CLVS1: variants seen among roughly 807,000 people sequenced by gnomAD.
The protein encoded by CLVS1 is clavesin-1.
Under a neutral mutation model 33.1 loss-of-function variants are expected in CLVS1, and 10 were observed. The observed-to-expected ratio is 0.30, with a 90% confidence interval of 0.19 to 0.51. The LOEUF is 0.51. Among genes scored for constraint, CLVS1 ranks in the 20% least tolerant of loss-of-function variants. The pLI is 0.97. For missense variants in CLVS1, 343 were observed against 433.4 expected, an observed-to-expected ratio of 0.79 and a Z score of 1.85; for synonymous variants, 163 against 166.1, an observed-to-expected ratio of 0.98 and a Z score of 0.14.
chr8:61,304,054 A>T (rs1810527615), intron 2 of CLVS1, among the ~76,000 whole-genome samples: 1 of 152,240 alleles, frequency 6.6e-6, no homozygotes. Context: ...CCTTTCACAC[A>T]GACCCAGCCC....
intron 2 of CLVS1, among the ~76,000 whole-genome samples, chr8:61,204,466 C>T (rs1807799478): frequency 6.6e-6 from 1 of 152,146 alleles, no homozygotes; most frequent in Non-Finnish European, 1.5e-5. Flanking sequence ...ATGCAAATTG[C>T]TCACACTATT....
At chr8:61,027,346 T>C in the CLVS1 span, among the ~76,000 whole-genome samples, 4 of 152,186 alleles carry the variant, frequency 2.6e-5, no homozygotes, top group Non-Finnish European at 5.9e-5. Context: ...ACACCCCACC[T>C]TTATGGAATA....
chr8:61,012,709 C>G, the CLVS1 span, among the ~76,000 whole-genome samples: 1 of 152,164 alleles, frequency 6.6e-6, no homozygotes, highest in Admixed American at 6.5e-5. Flanking sequence ...GTGCTGTGCT[C>G]CCCCGCTCTT....
chr8:61,041,009 A>G, the CLVS1 span, among the ~76,000 whole-genome samples: 4 of 151,900 alleles, frequency 2.6e-5, no homozygotes, highest in Middle Eastern at 3.4e-3. Context: ...TAATTTTTGT[A>G]TATGGTGAAA....
At chr8:61,018,309 T>C in the CLVS1 span, among the ~76,000 whole-genome samples, 1 of 152,226 alleles carries the variant, frequency 6.6e-6, no homozygotes, top group African/African-American at 2.4e-5. Context: ...TAATTTAATG[T>C]GATAAGTTTC....
intron 2 of CLVS1, among the ~76,000 whole-genome samples, chr8:61,148,486 T>TA (rs1242018772): frequency 1.3e-5 from 2 of 152,192 alleles, no homozygotes; most frequent in African/African-American, 4.8e-5. Context: ...CTCTCATTGA[T>TA]ACAGTGAGAG....
intron 3 of CLVS1, among the ~76,000 whole-genome samples, chr8:61,380,065 A>G (rs141952958): frequency 6.6e-6 from 1 of 152,288 alleles, no homozygotes; most frequent in Non-Finnish European, 1.5e-5. Context: ...AGCCATTGCA[A>G]TGTAACATCA....
chr8:61,108,252 C>G (rs991464040), intron 1 of CLVS1, among the ~76,000 whole-genome samples: 3 of 150,808 alleles, frequency 2.0e-5, no homozygotes, highest in Non-Finnish European at 4.4e-5. Context: ...AAAAAAATCT[C>G]TGCCCTCATG....
At chr8:61,266,915 C>T (rs1037740032) in intron 2 of CLVS1, among the ~76,000 whole-genome samples, 5 of 152,090 alleles carry the variant, frequency 3.3e-5, no homozygotes, top group South Asian at 2.1e-4. Context: ...TTTGTCAACC[C>T]GTATGCCTGG....
intron 2 of CLVS1, among the ~76,000 whole-genome samples, chr8:61,210,441 A>G (rs1807948318): frequency 6.6e-6 from 1 of 152,248 alleles, no homozygotes; most frequent in African/African-American, 2.4e-5. Context: ...TTATGGCAGT[A>G]GAAGCAGACT....
chr8:61,218,486 T>C (rs1011536014), intron 2 of CLVS1, among the ~76,000 whole-genome samples: 1 of 151,840 alleles, frequency 6.6e-6, no homozygotes, highest in South Asian at 2.1e-4. Context: ...GAACAGAATA[T>C]ACTAGAGGCT....
At chr8:61,233,986 G>A (rs1808500027) in intron 2 of CLVS1, among the ~76,000 whole-genome samples, 1 of 152,246 alleles carries the variant, frequency 6.6e-6, no homozygotes, top group Admixed American at 6.5e-5. Context: ...CTCAAAGAGA[G>A]AGGAAATGAT....
At chr8:61,370,497 C>A (rs1321617679) in intron 2 of CLVS1, 2 of 152,286 alleles carry the variant, frequency 1.3e-5, no homozygotes, top group Non-Finnish European at 2.9e-5. Context: ...TCATGCCATT[C>A]TGCTGCCTTA....
At chr8:60,985,367 C>A in the CLVS1 span, among the ~76,000 whole-genome samples, 1 of 151,982 alleles carries the variant, frequency 6.6e-6, no homozygotes. Flanking sequence ...CTCAATCTAC[C>A]AGCCTGAGAG....
intron 1 of CLVS1, among the ~76,000 whole-genome samples, chr8:61,088,862 A>C (rs903532714): frequency 5.5e-5 from 8 of 146,472 alleles, no homozygotes; most frequent in African/African-American, 7.6e-5. Context: ...AGTGCAGTGG[A>C]GAGATCTCGG....
intron 2 of CLVS1, chr8:61,202,455 T>G (rs978758774): frequency 8.8e-6 from 7 of 792,814 alleles, no homozygotes; most frequent in Non-Finnish European, 1.6e-5. Flanking sequence ...AGGTGGATAA[T>G]GATGAAAATG....
chr8:61,157,929 C>A lies in CLVS1; in HGVS notation c.-152+26069C>A, dbSNP rs149938933. Among the ~76,000 whole-genome samples the A allele has an allele frequency of 2.5e-3, 376 of 152,132 alleles. 2 individuals carry two copies. The highest frequency in any genetic ancestry group is 8.7e-3 in the African/African-American group (361 of 41,524). ...GCCAGTGGGAGTGTAAAATGGTATA[C>A]CATGTTTAGCAATTTAAAAAAGTTA... On this transcript the variant is annotated intron_variant, in intron 2 of 2. Coordinates refer to the CLVS1 transcript ENST00000522621.
At chr8:61,077,369 C>A (rs926710726) in intron 1 of CLVS1, among the ~76,000 whole-genome samples, 9 of 151,676 alleles carry the variant, frequency 5.9e-5, no homozygotes, top group African/African-American at 1.9e-4. Flanking sequence ...CTGCGCCCAG[C>A]CGATCTAATT....
intron 2 of CLVS1, among the ~76,000 whole-genome samples, chr8:61,227,215 T>A (rs1808350900): frequency 6.6e-6 from 1 of 152,134 alleles, no homozygotes; most frequent in African/African-American, 2.4e-5. Context: ...CCAGCAGTGC[T>A]ATTTTGAATT....
Sources: gnomAD v4.1 joint callset for allele counts (sites outside exome capture counted in the v4.1 genomes callset) on GRCh38, gnomAD v4.1.1 for gene constraint, MANE v1.5 for transcripts, NCBI Gene and HGNC (gene_info 2026-07-23, HGNC 2026-07-21) for gene names.